The following EPB41L3 variants were observed in gnomAD, a reference collection of about 807,000 sequenced individuals.
The protein encoded by EPB41L3 is erythrocyte membrane protein band 4.1 like 3.
In EPB41L3, 57 loss-of-function variants were observed where a neutral mutation model predicts 127.1. The ratio of observed to expected loss-of-function variants is 0.45; its 90% CI spans 0.36 to 0.56. EPB41L3 has a LOEUF of 0.56. EPB41L3 is among the 20% of genes least tolerant of loss of function. The pLI, the probability that EPB41L3 is intolerant of heterozygous loss-of-function variation, is 0.00. For synonymous variants in EPB41L3, 572 were observed against 549.5 expected, an observed-to-expected ratio of 1.04 and a Z score of -0.57; for missense variants, 1,273 against 1,372.2, an observed-to-expected ratio of 0.93 and a Z score of 1.14.
intron 1 of EPB41L3, among the ~76,000 whole-genome samples, chr18:5,526,425 A>C (rs1195185707): frequency 6.6e-6 from 1 of 152,212 alleles, no homozygotes; most frequent in Admixed American, 6.5e-5. Context: ...GACACATTCA[A>C]ATCATTGCAC....
At chr18:5,421,176 T>C (rs1194261091) in intron 11 of EPB41L3, among the ~76,000 whole-genome samples, 1 of 152,184 alleles carries the variant, frequency 6.6e-6, no homozygotes, top group Non-Finnish European at 1.5e-5. Flanking sequence ...ATGACATTAG[T>C]ACACTGATTT....
Position 5,478,265 on chromosome 18 carries a change from T to A in EPB41L3, c.357A>T (p.Gly119=). The A allele has an allele frequency of 6.2e-7, 1 of 1,614,190 alleles. No individual in the cohort carries two copies. Among genetic ancestry groups the A allele is most frequent in the Non-Finnish European group, 8.5e-7 (1 of 1,180,008 alleles). Residue 119 remains glycine, a synonymous_variant, in exon 3 of 23, where the codon GGA becomes GGT. Transcript: ENST00000341928. The part of the protein sequence containing the change: ...SMQCKVILLD[G]SEYTCDVEKR... ...CCTCTACATCACAGGTATATTCTGA[T>A]CCATCGAGAAGTATCACTTTGCACT...
At chr18:5,607,089 C>T (rs536075463) in intron 3 of EPB41L3, among the ~76,000 whole-genome samples, 3 of 152,296 alleles carry the variant, frequency 2.0e-5, no homozygotes, top group East Asian at 1.9e-4. Flanking sequence ...ACACATTACT[C>T]GTGACACCCA....
intron 16 of EPB41L3, chr18:5,400,930 C>T (rs1598456790): frequency 7.5e-7 from 1 of 1,337,598 alleles, no homozygotes; most frequent in East Asian, 2.5e-5. Context: ...AGTCTGAAGA[C>T]CAATTTCTTC....
intron 1 of EPB41L3, among the ~76,000 whole-genome samples, chr18:5,528,261 C>G (rs919166321): frequency 6.6e-6 from 1 of 152,128 alleles, no homozygotes; most frequent in Non-Finnish European, 1.5e-5. Flanking sequence ...CTTGACTTCC[C>G]AGGCTCAAGG....
chr18:5,446,287 G>A (rs2081466575), intron 3 of EPB41L3, among the ~76,000 whole-genome samples: 1 of 151,918 alleles, frequency 6.6e-6, no homozygotes, highest in Non-Finnish European at 1.5e-5. Context: ...TACAAAATAG[G>A]GATATATGAG....
At chr18:5,613,323 C>A (rs1226533987) in intron 2 of EPB41L3, among the ~76,000 whole-genome samples, 1 of 152,198 alleles carries the variant, frequency 6.6e-6, no homozygotes, top group Non-Finnish European at 1.5e-5. Context: ...AAACACAAAG[C>A]CGTGTCAATT....
chr18:5,596,226 A>G (rs2094535876), intron 3 of EPB41L3, among the ~76,000 whole-genome samples: 1 of 152,170 alleles, frequency 6.6e-6, no homozygotes, highest in African/African-American at 2.4e-5. Context: ...ATCACATCAG[A>G]GGGCATGGCA....
intron 3 of EPB41L3, among the ~76,000 whole-genome samples, chr18:5,588,513 T>C (rs1212916429): frequency 1.4e-5 from 2 of 146,346 alleles, no homozygotes; most frequent in Non-Finnish European, 3.0e-5. Flanking sequence ...TATTTATGTG[T>C]ATTATGTGTA....
chr18:5,530,645 C>T (rs1421595193), intron 1 of EPB41L3, among the ~76,000 whole-genome samples: 2 of 152,140 alleles, frequency 1.3e-5, no homozygotes, highest in South Asian at 4.2e-4. Context: ...TCACCTCCGA[C>T]ACCCTCCTGT....
chr18:5,410,720 CTTTCTCTGTGA>C lies in EPB41L3; in HGVS notation c.2068-112_2068-102del. ...TGGCACAGGTCAGACAGGTCATTTT[CTTTCTCTGTGA>C]TTTCTCTGTGTCACACTACCTTCTC... On this transcript the variant is annotated intron_variant, in intron 13 of 22. Coordinates refer to ENST00000341928, the MANE Select transcript of EPB41L3 (RefSeq NM_012307.5). 5.7e-6 allele frequency: 5 copies of C among 879,328 alleles called. No homozygotes were observed. In the Middle Eastern group the frequency reaches 6.8e-4, roughly 120 times the overall value. 54.5% of individuals were successfully genotyped at this position (879,328 alleles called of 1,614,324 possible). A position where few individuals can be genotyped will look rare whatever the true frequency, so the allele number is the denominator to read the frequency against.
intron 3 of EPB41L3, among the ~76,000 whole-genome samples, chr18:5,610,515 C>T (rs2094713671): frequency 6.6e-6 from 1 of 152,006 alleles, no homozygotes. Context: ...AGAAAGATAA[C>T]AGGAAAGATT....
chr18:5,618,768 A>G (rs1192179223), intron 1 of EPB41L3, among the ~76,000 whole-genome samples: 1 of 152,232 alleles, frequency 6.6e-6, no homozygotes, highest in African/African-American at 2.4e-5. Flanking sequence ...TCTTGTCTCT[A>G]CAACAGCAAA....
At chr18:5,559,604 A>G (rs577388273) in intron 3 of EPB41L3, among the ~76,000 whole-genome samples, 2 of 152,346 alleles carry the variant, frequency 1.3e-5, no homozygotes, top group South Asian at 4.1e-4. Flanking sequence ...TCTAAACGAA[A>G]ATATCTTCTG....
chr18:5,508,706 G>A (rs891069536), intron 1 of EPB41L3, among the ~76,000 whole-genome samples: 3 of 147,416 alleles, frequency 2.0e-5, no homozygotes, highest in African/African-American at 7.6e-5. Flanking sequence ...GGTGGAGGTT[G>A]CAGTGAGCCG....
Position 5,479,270 on chromosome 18 carries a change from T to C in EPB41L3, c.184-832A>G, listed in dbSNP as rs546313489. Reference sequence around the variant, plus strand: ...AATGGTAGTACTGCAAATTCGATCCTTGGGCTGCGCCACCACTGCCACTAG... The same window carrying C: ...AATGGTAGTACTGCAAATTCGATCCCTGGGCTGCGCCACCACTGCCACTAG... On this transcript the variant is annotated intron_variant, in intron 2 of 22. Transcript: ENST00000341928. 9.4e-4 allele frequency among the ~76,000 whole-genome samples: 143 copies of C among 152,322 alleles called. 2 individuals are homozygous for C. In the South Asian group the frequency reaches 0.016, roughly 17 times the overall value.
rs142829449 is a variant in EPB41L3 at position 5,613,840 on chromosome 18, A to C, written c.-395+511T>G. Reference sequence around the variant, plus strand: ...TGGGAAACACAGTTAACCTTCATAAAAATATTTATGTTAACATGAAATGGA... The same window carrying C: ...TGGGAAACACAGTTAACCTTCATAACAATATTTATGTTAACATGAAATGGA... On this transcript the variant is annotated intron_variant, in intron 2 of 21. Coordinates refer to the EPB41L3 transcript ENST00000545076. Among the ~76,000 whole-genome samples the C allele has an allele frequency of 1.9e-3, 283 of 152,344 alleles. 1 individual carries two copies. The highest frequency in any genetic ancestry group is 6.5e-3 in the African/African-American group (272 of 41,582).
chr18:5,544,409 T>A (rs77443015), upstream of EPB41L3: 1 of 592,652 alleles, frequency 1.7e-6, no homozygotes, highest in Non-Finnish European at 2.1e-6. Flanking sequence ...GACTGCAGTA[T>A]TTTTTTTTTC....
intron 3 of EPB41L3, among the ~76,000 whole-genome samples, chr18:5,555,449 A>G (rs2094020437): frequency 6.6e-6 from 1 of 152,162 alleles, no homozygotes; most frequent in Non-Finnish European, 1.5e-5. Flanking sequence ...ATTTTTCAGA[A>G]TAAGTAGCAT....
Sources: allele counts gnomAD v4.1 joint callset (sites outside exome capture counted in the v4.1 genomes callset), GRCh38; gene constraint gnomAD v4.1.1; transcripts MANE v1.5; gene names NCBI Gene and HGNC (gene_info 2026-07-23, HGNC 2026-07-21).